Variants in CACNA2D3 observed in about 807,000 individuals in gnomAD.
The protein encoded by CACNA2D3 is voltage-dependent calcium channel subunit alpha-2/delta-3.
A neutral mutation model predicts 160.6 loss-of-function variants in CACNA2D3; 60 were observed. That is an observed-to-expected ratio of 0.37 (90% CI 0.30 to 0.46). The LOEUF is 0.46. Ranked by LOEUF, CACNA2D3 falls within the 20% of genes least tolerant of loss-of-function variation. The pLI is 1.00. For synonymous variants in CACNA2D3, 558 were observed against 492.9 expected, an observed-to-expected ratio of 1.13 and a Z score of -1.75; for missense variants, 1,205 against 1,365.0, an observed-to-expected ratio of 0.88 and a Z score of 1.85.
intron 4 of CACNA2D3, among the ~76,000 whole-genome samples, chr3:54,422,346 G>A (rs981896062): frequency 6.6e-6 from 1 of 152,174 alleles, no homozygotes; most frequent in South Asian, 2.1e-4. Context: ...GTTTGTATCC[G>A]TCTCTGGTGC....
intron 14 of CACNA2D3, among the ~76,000 whole-genome samples, chr3:54,828,064 C>T (rs1455660207): frequency 6.6e-6 from 1 of 152,182 alleles, no homozygotes. Context: ...AGTTTGAGAA[C>T]ATCTGGTTCT....
chr3:54,957,251 C>A (rs1014706780), intron 27 of CACNA2D3, among the ~76,000 whole-genome samples: 2 of 151,730 alleles, frequency 1.3e-5, no homozygotes, highest in Non-Finnish European at 2.9e-5. Flanking sequence ...CCTCAAACTC[C>A]TGGGCTCAGG....
chr3:54,795,858 G>T (rs1259337407), intron 13 of CACNA2D3, among the ~76,000 whole-genome samples: 1 of 152,150 alleles, frequency 6.6e-6, no homozygotes, highest in African/African-American at 2.4e-5. Context: ...TGATTTAATT[G>T]TAAATTAATC....
intron 2 of CACNA2D3, among the ~76,000 whole-genome samples, chr3:54,291,327 G>A (rs1352921091): frequency 6.6e-6 from 1 of 152,118 alleles, no homozygotes; most frequent in Non-Finnish European, 1.5e-5. Context: ...TTCTCAGATA[G>A]GCAATTAAAA....
intron 35 of CACNA2D3, among the ~76,000 whole-genome samples, chr3:55,031,610 C>T (rs1237059905): frequency 6.6e-6 from 1 of 152,152 alleles, no homozygotes; most frequent in Non-Finnish European, 1.5e-5. Flanking sequence ...TAACCGCCCA[C>T]CTTTTGGAGC....
At chr3:54,349,361 ATTTCTCATTAGGAG>A (rs1208486693) in intron 3 of CACNA2D3, among the ~76,000 whole-genome samples, 1 of 152,076 alleles carries the variant, frequency 6.6e-6, no homozygotes, top group Non-Finnish European at 1.5e-5. Context: ...CTCATTAGGA[ATTTCTCATTAGGAG>A]GCATTCCTGA....
At chr3:54,265,360 G>A (rs1319044096) in intron 2 of CACNA2D3, among the ~76,000 whole-genome samples, 2 of 152,116 alleles carry the variant, frequency 1.3e-5, no homozygotes, top group Non-Finnish European at 2.9e-5. Flanking sequence ...GACACAGGGA[G>A]GGGAACATCA....
At chr3:54,523,088 A>T (rs1009959694) in intron 5 of CACNA2D3, among the ~76,000 whole-genome samples, 3 of 152,072 alleles carry the variant, frequency 2.0e-5, no homozygotes, top group Admixed American at 2.0e-4. Flanking sequence ...TTCTAGTAAA[A>T]GTGTTAAGAG....
chr3:55,033,194 T>C (rs1392030029), intron 35 of CACNA2D3, among the ~76,000 whole-genome samples: 3 of 152,178 alleles, frequency 2.0e-5, no homozygotes, highest in Non-Finnish European at 4.4e-5. Context: ...TAGTTAGTCC[T>C]GATGCTTACG....
intron 11 of CACNA2D3, among the ~76,000 whole-genome samples, chr3:54,713,172 C>T (rs953756644): frequency 1.3e-5 from 2 of 152,116 alleles, no homozygotes; most frequent in African/African-American, 4.8e-5. Context: ...CAGGAACAGG[C>T]TATTGGGAGT....
Position 54,988,265 on chromosome 3 carries a change from A to G in CACNA2D3, c.2690+512A>G, listed in dbSNP as rs537374110. On this transcript the variant is annotated intron_variant, in intron 31 of 37. Transcript: ENST00000474759. ...TAAGTCTGCTTCTGGAAGAAAACCT[A>G]GATGGTGCCAAATTCCACAGGTGGC... 1.5e-3 allele frequency among the ~76,000 whole-genome samples: 222 copies of G among 152,340 alleles called. 2 individuals carry two copies. The highest frequency in any genetic ancestry group is 3.4e-3 in the Middle Eastern group (1 of 294).
intron 15 of CACNA2D3, among the ~76,000 whole-genome samples, chr3:54,837,490 A>G (rs901529581): frequency 2.0e-5 from 3 of 152,156 alleles, no homozygotes; most frequent in Admixed American, 2.0e-4. Flanking sequence ...GAGACCATCC[A>G]TGATTATGGT....
chr3:54,461,719 A>G (rs982270385), intron 4 of CACNA2D3, among the ~76,000 whole-genome samples: 14 of 151,844 alleles, frequency 9.2e-5, no homozygotes, highest in African/African-American at 3.4e-4. Context: ...GATCCTTTCA[A>G]AAAACCAGCT....
At chr3:55,018,017 TTA>T (rs1315984399) in intron 34 of CACNA2D3, among the ~76,000 whole-genome samples, 187 bp from the exon 35 acceptor site, 2 of 152,294 alleles carry the variant, frequency 1.3e-5, no homozygotes, top group Admixed American at 1.3e-4. Flanking sequence ...GTTGGAGGAA[TTA>T]TAGCTTATAG....
chr3:54,685,481 ATCAG>A (rs983865900), intron 11 of CACNA2D3, among the ~76,000 whole-genome samples: 1 of 152,194 alleles, frequency 6.6e-6, no homozygotes, highest in African/African-American at 2.4e-5. Context: ...CCTGGAGTGA[ATCAG>A]TCAGTCAATC....
chr3:54,949,614 A>T (rs2107011111), intron 27 of CACNA2D3, among the ~76,000 whole-genome samples: 1 of 152,320 alleles, frequency 6.6e-6, no homozygotes, highest in Non-Finnish European at 1.5e-5. Context: ...CATTATCAAC[A>T]TTCTCAAGCG....
At chr3:54,476,780 A>G (rs773578569) in intron 4 of CACNA2D3, among the ~76,000 whole-genome samples, 1 of 152,164 alleles carries the variant, frequency 6.6e-6, no homozygotes, top group African/African-American at 2.4e-5. Context: ...TTGAGTTGAT[A>G]TGAGTTTCTT....
intron 2 of CACNA2D3, among the ~76,000 whole-genome samples, chr3:54,312,084 A>AAGGGTT (rs1294124411): frequency 6.6e-6 from 1 of 152,190 alleles, no homozygotes; most frequent in Non-Finnish European, 1.5e-5. Context: ...GGGGGATCTG[A>AAGGGTT]ATTAGAGGAT....
chr3:55,037,836 G>A (rs558417723), intron 35 of CACNA2D3, among the ~76,000 whole-genome samples: 25 of 152,292 alleles, frequency 1.6e-4, no homozygotes, highest in Admixed American at 5.2e-4. Context: ...CAACCCTGCC[G>A]TTTTTAGATG....
Sources: allele counts gnomAD v4.1 joint callset (sites outside exome capture counted in the v4.1 genomes callset), GRCh38; gene constraint gnomAD v4.1.1; transcripts MANE v1.5; gene names NCBI Gene and HGNC (gene_info 2026-07-23, HGNC 2026-07-21).